The following CPNE2 variants were observed in gnomAD, a reference collection of about 807,000 sequenced individuals.
The protein encoded by CPNE2 is copine-2.
CPNE2 carries 42 observed loss-of-function variants against 69.7 expected under a neutral mutation model. That is an observed-to-expected ratio of 0.60 (90% CI 0.47 to 0.78). CPNE2 has a LOEUF of 0.78. Ranked by LOEUF, CPNE2 falls within the 30% of genes least tolerant of loss-of-function variation. CPNE2 has a pLI of 0.00. For synonymous variants in CPNE2, 294 were observed against 289.8 expected (o/e 1.01, Z -0.15); for missense variants, 587 against 732.0 (o/e 0.80, Z 2.29).
In CPNE2 at chr16:57,121,206, T is replaced by G. The variant is rs774540678; in HGVS notation, c.780+15T>G. 1 of 1,609,694 alleles carries G rather than the reference T, an allele frequency of 6.2e-7. No individual in the cohort carries two copies. The highest frequency in any genetic ancestry group is 8.5e-7 in the Non-Finnish European group (1 of 1,176,922). ...ACAGCGTCCCGGTGAGATGGGCACG[T>G]GTACTGTAACCCCAAGACCTCAGCA... is the stretch of plus-strand genomic sequence containing the variant. On this transcript the variant is annotated intron_variant, in intron 8 of 15. Transcript: ENST00000290776.
At chr16:57,137,583 G>A (rs961559805) in intron 14 of CPNE2, among the ~76,000 whole-genome samples, 5 of 152,174 alleles carry the variant, frequency 3.3e-5, no homozygotes, top group African/African-American at 1.2e-4. Flanking sequence ...ATGGAAAACT[G>A]GAGGCAGTGA....
intron 1 of CPNE2, among the ~76,000 whole-genome samples, chr16:57,106,716 C>A (rs1465517480): frequency 6.6e-6 from 1 of 151,568 alleles, no homozygotes; most frequent in Non-Finnish European, 1.5e-5. Flanking sequence ...GAGCTAGAAT[C>A]CACCTCGCCA....
Position 57,125,977 on chromosome 16 carries a change from A to C in CPNE2, c.1045A>C (p.Ile349Leu). 6.2e-7 allele frequency: 1 copy of C among 1,614,184 alleles called. No individual in the cohort carries two copies. The highest frequency in any genetic ancestry group is 8.5e-7 in the Non-Finnish European group (1 of 1,180,022). ...LSAIWAVGQIIQDYDSDKMFP... is the reference protein window; with the variant it reads ...LSAIWAVGQILQDYDSDKMFP... Reference sequence around the variant, plus strand: ...GGCCATCTGGGCTGTTGGGCAGATCATTCAGGACTACGACAGGTAAGGTTG... The same window carrying C: ...GGCCATCTGGGCTGTTGGGCAGATCCTTCAGGACTACGACAGGTAAGGTTG... Residue 349 changes from isoleucine to leucine, a missense_variant, in exon 11 of 16, where the codon ATT becomes CTT. Transcript: ENST00000290776.
chr16:57,127,269 A>T lies in CPNE2; in HGVS notation c.1062-580A>T, dbSNP rs537393787. On this transcript the variant is annotated intron_variant, in intron 11 of 15. Transcript: ENST00000290776. The stretch of plus-strand genomic sequence containing the variant: ...GCTAGAGGAAACAGATTAGGGAGAG[A>T]TGTTACAGATGGGGGCACAACAGCA... Among the ~76,000 whole-genome samples, 5 of 152,232 alleles carry T rather than the reference A, an allele frequency of 3.3e-5. No homozygotes were observed. The East Asian group carries it at 5.8e-4, about 18-fold the overall frequency.
chr16:57,105,101 A>G (rs562415557), intron 1 of CPNE2, among the ~76,000 whole-genome samples: 102 of 152,180 alleles, frequency 6.7e-4, no homozygotes, highest in African/African-American at 2.3e-3. Flanking sequence ...TGGAAAAGAG[A>G]GTGCAGCTGA....
In CPNE2 at chr16:57,121,446, C is replaced by T. The variant is rs774966182; in HGVS notation, c.781-228C>T. Among the ~76,000 whole-genome samples, 13 of 152,104 alleles carry T rather than the reference C, an allele frequency of 8.5e-5. No individual in the cohort carries two copies. In the East Asian group the frequency reaches 1.2e-3, roughly 14 times the overall value. On this transcript the variant is annotated intron_variant, in intron 8 of 15. Transcript: ENST00000290776. ...CAGGAGCTATCCATTTAAGTCATTCCGTGATGTTGGGCCCTCAGCTGGACA... is the reference window on the plus strand; with the variant it reads ...CAGGAGCTATCCATTTAAGTCATTCTGTGATGTTGGGCCCTCAGCTGGACA...
chr16:57,128,688 T>C (rs2069817501), intron 12 of CPNE2, among the ~76,000 whole-genome samples: 1 of 152,228 alleles, frequency 6.6e-6, no homozygotes, highest in Admixed American at 6.5e-5. Context: ...TATGGACTTT[T>C]AGTGTATTCA....
At chr16:57,123,015 A>C (rs2069774215) in intron 9 of CPNE2, among the ~76,000 whole-genome samples, 2 of 152,098 alleles carry the variant, frequency 1.3e-5, no homozygotes, top group Non-Finnish European at 2.9e-5. Context: ...GACCATCAAA[A>C]CAACTTCTAG....
chr16:57,133,465 C>T lies in CPNE2; in HGVS notation c.1117-1310C>T, dbSNP rs72777122. Among the ~76,000 whole-genome samples, 1,483 of 152,246 alleles carry T rather than the reference C, an allele frequency of 9.7e-3. 26 individuals are homozygous for T. Among genetic ancestry groups the T allele is most frequent in the Non-Finnish European group, 9.9e-3 (671 of 67,992 alleles). On this transcript the variant is annotated intron_variant, in intron 12 of 15. Transcript: ENST00000290776. ...GAGGGCACTGGGTCTCAGGCCTGTT[C>T]GACTGTGTGGCTCTGGTGCCTGGCT...
chr16:57,119,152 C>T (rs1490693780), intron 5 of CPNE2, 43 bp from the exon 6 acceptor site: 1 of 1,564,604 alleles, frequency 6.4e-7, no homozygotes, highest in Non-Finnish European at 8.8e-7. Context: ...CTGAACCTAG[C>T]AGGGCTGTAC....
At chr16:57,116,462 G>A (rs1235448403) in intron 4 of CPNE2, among the ~76,000 whole-genome samples, 1 of 152,134 alleles carries the variant, frequency 6.6e-6, no homozygotes, top group African/African-American at 2.4e-5. Flanking sequence ...TAAGGCAGGA[G>A]GATCCCTTAA....
chr16:57,143,368 C>CCTGG (rs2069936047), intron 14 of CPNE2: 1 of 152,330 alleles, frequency 6.6e-6, no homozygotes, highest in African/African-American at 2.4e-5. Flanking sequence ...TACCAGGGCT[C>CCTGG]TGGGCCCCAC....
At chr16:57,094,936 C>T (rs2069569004) in intron 1 of CPNE2, among the ~76,000 whole-genome samples, 1 of 152,178 alleles carries the variant, frequency 6.6e-6, no homozygotes, top group Non-Finnish European at 1.5e-5. Flanking sequence ...TTTCTCCCTC[C>T]TGTCAGAGCA....
At chr16:57,114,099 C>T (rs2069700275) in intron 3 of CPNE2, among the ~76,000 whole-genome samples, 1 of 152,336 alleles carries the variant, frequency 6.6e-6, no homozygotes, top group East Asian at 1.9e-4. Context: ...ATGCCCGGGG[C>T]CTTCCAGGAG....
rs34167296 is a variant in CPNE2, at chr16:57,117,546, G to A, written c.486G>A (p.Ala162=). The change falls in exon 5 of 16, where the codon GCG becomes GCA. Residue 162 remains alanine, a synonymous_variant. Transcript: ENST00000290776. ...ACCGCGTCATCACACTAAGCCTGGC[G>A]GGCAGGAGGCTGGACAAGAAGGTAA... ...SDNRVITLSL[A]GRRLDKKDLF... The A allele has an allele frequency of 4.3e-4, 686 of 1,613,930 alleles. 1 individual carries two copies. In the African/African-American group the frequency reaches 8.0e-3, roughly 19 times the overall value.
At chr16:57,118,702 A>G (rs1281334296) in intron 5 of CPNE2, among the ~76,000 whole-genome samples, 2 of 152,110 alleles carry the variant, frequency 1.3e-5, no homozygotes, top group Non-Finnish European at 2.9e-5. Flanking sequence ...AGATAGATAG[A>G]TAGATAGAGT....
At chr16:57,140,627 C>T (rs2069914785) in intron 14 of CPNE2, among the ~76,000 whole-genome samples, 1 of 151,924 alleles carries the variant, frequency 6.6e-6, no homozygotes, top group Admixed American at 6.6e-5. Context: ...TGCAGTGGCA[C>T]AGTCTCAGCT....
chr16:57,128,601 G>T (rs754312233), intron 12 of CPNE2, among the ~76,000 whole-genome samples: 2 of 152,156 alleles, frequency 1.3e-5, no homozygotes, highest in Non-Finnish European at 2.9e-5. Context: ...ATCATCCATT[G>T]TTTATCTGAA....
intron 2 of CPNE2, 36 bp downstream of exon 2, chr16:57,110,958 G>C (rs765361269): frequency 6.3e-7 from 1 of 1,584,290 alleles, no homozygotes; most frequent in Admixed American, 1.7e-5. Flanking sequence ...TGGGTAAGGG[G>C]GTGGCTAGGC....
Sources: gnomAD v4.1 joint callset for allele counts (sites outside exome capture counted in the v4.1 genomes callset) on GRCh38, gnomAD v4.1.1 for gene constraint, MANE v1.5 for transcripts, NCBI Gene and HGNC (gene_info 2026-07-23, HGNC 2026-07-21) for gene names.